The following CTNNAL1 variants were observed in gnomAD, a reference collection of about 807,000 sequenced individuals.
The protein encoded by CTNNAL1 is catenin alpha like 1.
Under a neutral mutation model 93.6 loss-of-function variants are expected in CTNNAL1, and 69 were observed. The ratio of observed to expected loss-of-function variants is 0.74; its 90% CI spans 0.61 to 0.90. The LOEUF (loss-of-function observed/expected upper bound fraction) is 0.90, where lower values mean the gene tolerates loss of function less well. Among genes scored for constraint, CTNNAL1 ranks in the 40% least tolerant of loss-of-function variants. The pLI is 0.00. For missense variants in CTNNAL1, 836 were observed against 862.0 expected (o/e 0.97, Z 0.38); for synonymous variants, 286 against 305.4 (o/e 0.94, Z 0.66).
chr9:108,955,930 G>C, intron 11 of CTNNAL1, 103 bp from the exon 12 acceptor site: 1 of 684,326 alleles, frequency 1.5e-6, no homozygotes, highest in Non-Finnish European at 2.3e-6. Context: ...AGGAATGTTA[G>C]TACATTAGTT....
intron 1 of CTNNAL1, among the ~76,000 whole-genome samples, chr9:109,005,080 T>C (rs901046619): frequency 6.6e-6 from 1 of 152,160 alleles, no homozygotes; most frequent in African/African-American, 2.4e-5. Flanking sequence ...CAATCTTTCC[T>C]ATTTTTTTTA....
At chr9:108,978,761 T>G (rs1014521041) in intron 7 of CTNNAL1, among the ~76,000 whole-genome samples, 1 of 152,152 alleles carries the variant, frequency 6.6e-6, no homozygotes, top group Non-Finnish European at 1.5e-5. Flanking sequence ...TGTGCAAGGG[T>G]GAAAAGCTTT....
At chr9:108,970,263 C>G in intron 10 of CTNNAL1, 139 bp downstream of exon 10, 2 of 741,484 alleles carry the variant, frequency 2.7e-6, no homozygotes, top group Middle Eastern at 2.5e-4. Context: ...ACACTACCAA[C>G]AGAAATTCCA....
intron 4 of CTNNAL1, among the ~76,000 whole-genome samples, chr9:108,986,522 TA>T (rs1831613431): frequency 6.6e-6 from 1 of 152,080 alleles, no homozygotes; most frequent in South Asian, 2.1e-4. Context: ...GCATGATTTA[TA>T]GTCGTTTGGG....
intron 8 of CTNNAL1, among the ~76,000 whole-genome samples, chr9:108,976,220 G>T (rs549440439): frequency 5.9e-5 from 9 of 152,126 alleles, no homozygotes; most frequent in African/African-American, 2.2e-4. Flanking sequence ...AATTAGTTTT[G>T]CCTTTTCTAG....
chr9:108,972,868 G>GGCCCCCCCCCGGGC, intron 8 of CTNNAL1, 35 bp from the exon 9 acceptor site: 1 of 1,092,790 alleles, frequency 9.2e-7, no homozygotes, highest in Non-Finnish European at 1.2e-6. Flanking sequence ...GGGTGGGAGG[G>GGCCCCCCCCCGGGC]TGGAGAAGGA....
chr9:108,978,698 C>T (rs1831333809), intron 7 of CTNNAL1, among the ~76,000 whole-genome samples: 1 of 152,214 alleles, frequency 6.6e-6, no homozygotes, highest in Admixed American at 6.5e-5. Context: ...AGCACACCAA[C>T]AGCCCATTTA....
chr9:108,998,995 A>G (rs1359379690), intron 2 of CTNNAL1, 72 bp downstream of exon 2: 8 of 1,480,604 alleles, frequency 5.4e-6, no homozygotes, highest in South Asian at 2.8e-5. Context: ...TTCCAAATAA[A>G]TCAATAATTT....
At chr9:108,973,000 G>A (rs1449595244) in intron 8 of CTNNAL1, among the ~76,000 whole-genome samples, 167 bp from the exon 9 acceptor site, 4 of 152,210 alleles carry the variant, frequency 2.6e-5, no homozygotes, top group African/African-American at 9.7e-5. Context: ...ACTGAGGGGA[G>A]GGTGTAAAGT....
At chr9:108,950,601 T>C in intron 14 of CTNNAL1, 3 of 1,549,778 alleles carry the variant, frequency 1.9e-6, no homozygotes, top group Non-Finnish European at 2.6e-6. Context: ...TAATCCTCCT[T>C]CTATAGGAAG....
chr9:108,955,012 G>C (rs776107696), intron 12 of CTNNAL1, among the ~76,000 whole-genome samples: 2 of 151,402 alleles, frequency 1.3e-5, no homozygotes, highest in Non-Finnish European at 2.9e-5. Context: ...GGCCAGGCTG[G>C]AGTGCAGTGG....
At chr9:108,972,864 G>GCCCCCCCCCC in intron 8 of CTNNAL1, 31 bp from the exon 9 acceptor site, 52 of 142,346 alleles carry the variant, frequency 3.7e-4, no homozygotes, top group Non-Finnish European at 4.9e-4. Flanking sequence ...GGGGGGGTGG[G>GCCCCCCCCCC]AGGGTGGAGA....
At chr9:108,972,864 G>GGGGGGGGCGGCCCCCCCC in intron 8 of CTNNAL1, 31 bp from the exon 9 acceptor site, 1 of 142,584 alleles carries the variant, frequency 7.0e-6, no homozygotes, top group Non-Finnish European at 1.0e-5. Context: ...GGGGGGGTGG[G>GGGGGGGGCGGCCCCCCCC]AGGGTGGAGA....
intron 12 of CTNNAL1, among the ~76,000 whole-genome samples, chr9:108,955,377 CAT>C (rs1304254952): frequency 6.6e-6 from 1 of 152,172 alleles, no homozygotes; most frequent in Non-Finnish European, 1.5e-5. Context: ...ATAAGTATGA[CAT>C]GTGACATGTT....
chr9:108,952,517 A>G (rs1051799126), intron 12 of CTNNAL1, 23 bp from the exon 13 acceptor site: 1 of 1,613,650 alleles, frequency 6.2e-7, no homozygotes, highest in African/African-American at 1.3e-5. Context: ...AAAGATTAAG[A>G]TTATCTTAAA....
intron 1 of CTNNAL1, among the ~76,000 whole-genome samples, chr9:109,003,154 AGAC>A (rs2132209627): frequency 6.6e-6 from 1 of 152,362 alleles, no homozygotes; most frequent in East Asian, 1.9e-4. Flanking sequence ...GTGTTGCTTC[AGAC>A]AACCATTCAG....
chr9:108,990,816 T>A lies in CTNNAL1; in HGVS notation c.549A>T (p.Lys183Asn). The A allele has an allele frequency of 1.2e-6, 2 of 1,613,510 alleles. No individual in the cohort carries two copies. The highest frequency in any genetic ancestry group is 1.7e-6 in the Non-Finnish European group (2 of 1,179,840). Residue 183 changes from lysine (K) to asparagine (N), a missense_variant, in exon 4 of 19, where the codon AAA becomes AAT. Lys to Asn is a moderately conservative substitution (Grantham distance 94). Transcript: ENST00000325551. The stretch of plus-strand genomic sequence containing the variant: ...GGACAAACTCTTGAAAGCTATTCAC[T>A]TTCTCTAGTCTTTCCATAGTTGCGA... ...KVLATMERLE[K>N]VNSFQEFVQI...
At chr9:108,952,591 C>T (rs1285538224) in intron 12 of CTNNAL1, 97 bp from the exon 13 acceptor site, 21 of 1,464,700 alleles carry the variant, frequency 1.4e-5, no homozygotes, top group Non-Finnish European at 2.0e-5. Flanking sequence ...GTACTTGTAA[C>T]AAAAGTTTAA....
intron 4 of CTNNAL1, among the ~76,000 whole-genome samples, chr9:108,985,566 T>A (rs1017913412): frequency 6.6e-6 from 1 of 152,186 alleles, no homozygotes; most frequent in Non-Finnish European, 1.5e-5. Context: ...TAATAAAAGA[T>A]AGAGATGGAA....
Sources: gnomAD v4.1 joint callset for allele counts (sites outside exome capture counted in the v4.1 genomes callset) on GRCh38, gnomAD v4.1.1 for gene constraint, MANE v1.5 for transcripts, NCBI Gene and HGNC (gene_info 2026-07-23, HGNC 2026-07-21) for gene names.